Variants in PLD3 observed in about 807,000 individuals in gnomAD.
PLD3 encodes 5'-3' exonuclease PLD3.
In PLD3, 31 loss-of-function variants were observed where a neutral mutation model predicts 58.4. That is an observed-to-expected ratio of 0.53 (90% confidence interval 0.40 to 0.72). The LOEUF (loss-of-function observed/expected upper bound fraction) is 0.72. Ranked by LOEUF, PLD3 falls within the 30% of genes least tolerant of loss-of-function variation. The pLI is 0.00. For missense variants in PLD3, 595 were observed against 659.8 expected, an observed-to-expected ratio of 0.90 and a Z score of 1.08; for synonymous variants, 264 against 273.4, an observed-to-expected ratio of 0.97 and a Z score of 0.34.
chr19:40,371,514 A>G, intron 8 of PLD3, 159 bp from the exon 9 acceptor site: 1 of 595,208 alleles, frequency 1.7e-6, no homozygotes, highest in South Asian at 2.1e-5. Context: ...ATTTTCATCA[A>G]AACTTAAGTT....
chr19:40,375,797 G>T (rs142345961), intron 10 of PLD3, among the ~76,000 whole-genome samples: 3 of 151,874 alleles, frequency 2.0e-5, no homozygotes, highest in African/African-American at 7.3e-5. Context: ...GGTGGCTCAC[G>T]CCTGTAATCC....
At chr19:40,356,619 A>ACC (rs1328912161) in intron 1 of PLD3, 1 of 152,508 alleles carries the variant, frequency 6.6e-6, no homozygotes, top group African/African-American at 2.4e-5. Context: ...TGAAATGGGG[A>ACC]CCTGGGGCAG....
In PLD3 at chr19:40,369,902, C is replaced by A. The variant is rs749576878; in HGVS notation, c.430-6C>A. On this transcript the variant is annotated splice_region_variant and splice_polypyrimidine_tract_variant and intron_variant, in intron 6 of 12. Transcript: ENST00000409735. ...CAGCCCCTCAGAAGCTCTCCCCTCC[C>A]CGCAGGGTGAGGAGGTCCTCCGGCA... 1 of 1,552,072 alleles carries A rather than the reference C, an allele frequency of 6.4e-7. No individual in the cohort carries two copies.
chr19:40,369,146 T>TA (rs1229998958), intron 6 of PLD3, among the ~76,000 whole-genome samples: 1 of 151,592 alleles, frequency 6.6e-6, no homozygotes, highest in African/African-American at 2.4e-5. Flanking sequence ...TTTTTTATGT[T>TA]AAAAAACCGT....
chr19:40,376,800 T>G (rs748835339), intron 11 of PLD3, 26 bp downstream of exon 11: 1 of 1,592,450 alleles, frequency 6.3e-7, no homozygotes, highest in Non-Finnish European at 8.5e-7. Context: ...AGCCACCCCT[T>G]GGCCCCTGTG....
intron 1 of PLD3, among the ~76,000 whole-genome samples, chr19:40,361,852 T>A (rs987975615): frequency 6.6e-6 from 1 of 152,074 alleles, no homozygotes; most frequent in African/African-American, 2.4e-5. Context: ...CCTTTTTTTT[T>A]TATTTTTTGA....
chr19:40,353,573 T>C (rs1187365742), intron 1 of PLD3, among the ~76,000 whole-genome samples: 1 of 151,918 alleles, frequency 6.6e-6, no homozygotes, highest in Non-Finnish European at 1.5e-5. Context: ...TTTTCTTTTC[T>C]TTTCTTTTCT....
rs748528125 is a variant in PLD3, at chr19:40,366,754, C to T, written c.103-19C>T. Reference sequence around the variant, plus strand: ...GGCTGCCCCCCTCGGGCTGGCTGACCACCTCCTCCTCCCCACAGAAAGCCC... The same window carrying T: ...GGCTGCCCCCCTCGGGCTGGCTGACTACCTCCTCCTCCCCACAGAAAGCCC... On this transcript the variant is annotated intron_variant, in intron 4 of 12. Coordinates refer to ENST00000409735, the MANE Select transcript of PLD3 (RefSeq NM_012268.4). 3.1e-6 allele frequency: 5 copies of T among 1,613,926 alleles called. No homozygotes were observed. In the Admixed American group the frequency reaches 8.3e-5, roughly 27 times the overall value.
intron 6 of PLD3, among the ~76,000 whole-genome samples, chr19:40,369,090 A>G (rs34621121): frequency 0.19 from 29,297 of 152,002 alleles, 2,970 homozygotes; most frequent in African/African-American, 0.25. Context: ...ATGCCACTGC[A>G]CTCTAGCCTG....
chr19:40,362,743 A>G (rs1229283682), intron 1 of PLD3, among the ~76,000 whole-genome samples: 2 of 151,508 alleles, frequency 1.3e-5, no homozygotes, highest in African/African-American at 4.9e-5. Flanking sequence ...TGGCCCTCCA[A>G]TATTAGTTTA....
intron 1 of PLD3, among the ~76,000 whole-genome samples, chr19:40,362,178 C>CTAAAA (rs2078803976): frequency 6.6e-6 from 1 of 152,076 alleles, no homozygotes; most frequent in African/African-American, 2.4e-5. Flanking sequence ...AGCTGTATCC[C>CTAAAA]CAGTGCCTAA....
chr19:40,368,984 G>A (rs1371175983), intron 6 of PLD3, among the ~76,000 whole-genome samples: 1 of 151,934 alleles, frequency 6.6e-6, no homozygotes, highest in Admixed American at 6.6e-5. Context: ...CCAAAGCCAG[G>A]CATAGTGGTA....
chr19:40,374,589 C>G lies in PLD3; in HGVS notation c.988C>G (p.Leu330Val). ...CATCTACGTCGCTGTCATGAACTAC[C>G]TGCCCACTCTGGAGTTCTCCCACCC... is the stretch of plus-strand genomic sequence containing the variant. ...SFIYVAVMNY[L>V]PTLEFSHPHR... is the part of the protein sequence containing the mutation. Residue 330 changes from leucine to valine, a missense_variant, in exon 10 of 13, where the codon CTG becomes GTG. Physicochemically the swap from Leu to Val is conservative, Grantham distance 32. Coordinates refer to ENST00000409735, the MANE Select transcript of PLD3 (RefSeq NM_012268.4). 1 of 1,614,150 alleles carries G rather than the reference C, an allele frequency of 6.2e-7. No individual in the cohort carries two copies. Among genetic ancestry groups the G allele is most frequent in the South Asian group, 1.1e-5 (1 of 91,076 alleles).
chr19:40,368,701 G>A (rs1002071953), intron 6 of PLD3, among the ~76,000 whole-genome samples: 4 of 152,020 alleles, frequency 2.6e-5, no homozygotes, highest in South Asian at 2.1e-4. Context: ...CCAAGAGTTC[G>A]AGACTAGCCT....
chr19:40,357,970 T>C (rs1283422611), intron 1 of PLD3: 2 of 152,160 alleles, frequency 1.3e-5, no homozygotes, highest in African/African-American at 4.8e-5. Context: ...GGGAACCTCT[T>C]TTCCCAGTTC....
chr19:40,369,950 G>A lies in PLD3; in HGVS notation c.472G>A (p.Gly158Ser). 1 of 1,562,566 alleles carries A rather than the reference G, an allele frequency of 6.4e-7. No homozygotes were observed. Among genetic ancestry groups the A allele is most frequent in the East Asian group, 2.4e-5 (1 of 41,950 alleles). ...LRQLQTLAPK[G>S]VNVRIAVSKP... Reference sequence around the variant, plus strand: ...GCAGCTGCAGACCCTGGCACCAAAGGGCGTGAACGTCCGCATCGCTGTGAG... The same window carrying A: ...GCAGCTGCAGACCCTGGCACCAAAGAGCGTGAACGTCCGCATCGCTGTGAG... Residue 158 changes from glycine to serine, a missense_variant, in exon 7 of 13, where the codon GGC (glycine) becomes AGC (serine). Physicochemically the swap from Gly to Ser is moderately conservative, Grantham distance 56. Transcript: ENST00000409735.
At chr19:40,374,402 G>A in intron 9 of PLD3, 79 bp from the exon 10 acceptor site, 1 of 1,499,330 alleles carries the variant, frequency 6.7e-7, no homozygotes, top group East Asian at 2.3e-5. Flanking sequence ...CCTGGCTTGT[G>A]GTGAGCTGTC....
intron 6 of PLD3, 87 bp downstream of exon 6, chr19:40,367,966 A>T: frequency 2.6e-6 from 3 of 1,146,822 alleles, no homozygotes; most frequent in Non-Finnish European, 3.7e-6. Context: ...TTTCTCCTGC[A>T]GCCCAGGAGA....
intron 6 of PLD3, among the ~76,000 whole-genome samples, chr19:40,369,382 A>G (rs2079008615): frequency 6.6e-6 from 1 of 152,152 alleles, no homozygotes; most frequent in South Asian, 2.1e-4. Flanking sequence ...CAAACAAAAA[A>G]ACAAAAACAA....
Sources: allele counts gnomAD v4.1 joint callset (sites outside exome capture counted in the v4.1 genomes callset), GRCh38; gene constraint gnomAD v4.1.1; transcripts MANE v1.5; gene names NCBI Gene and HGNC (gene_info 2026-07-23, HGNC 2026-07-21).